Variants in NELL2 observed in about 807,000 individuals in gnomAD.
NELL2 encodes the protein protein kinase C-binding protein NELL2.
NELL2 carries 41 observed loss-of-function variants against 109.6 expected under a neutral mutation model. The observed-to-expected ratio is 0.37, with a 90% CI of 0.29 to 0.49. The LOEUF (loss-of-function observed/expected upper bound fraction) is 0.49, where lower values mean the gene tolerates loss of function less well. Among genes scored for constraint, NELL2 ranks in the 20% least tolerant of loss-of-function variants. The pLI is 0.98. For synonymous variants in NELL2, 355 were observed against 344.7 expected, an observed-to-expected ratio of 1.03 and a Z score of -0.33; for missense variants, 900 against 1,008.3, an observed-to-expected ratio of 0.89 and a Z score of 1.45.
At chr12:44,918,959 C>A (rs1379952276), upstream of NELL2, among the ~76,000 whole-genome samples, 1 of 152,142 alleles carries the variant, frequency 6.6e-6, no homozygotes, top group East Asian at 1.9e-4. Context: ...CTGAAAGTAC[C>A]TGACAAACAC....
intron 2 of NELL2, among the ~76,000 whole-genome samples, chr12:44,857,217 C>T (rs549360136): frequency 6.6e-6 from 1 of 152,262 alleles, no homozygotes; most frequent in South Asian, 2.1e-4. Context: ...CACAGAGTTG[C>T]TGGGGGCCAA....
At chr12:44,804,122 G>C (rs577637693) in intron 3 of NELL2, among the ~76,000 whole-genome samples, 45 of 151,870 alleles carry the variant, frequency 3.0e-4, no homozygotes, top group African/African-American at 9.9e-4. Context: ...TTCAATAATT[G>C]ATATATTCTA....
At chr12:44,863,499 A>G (rs1291083313) in intron 2 of NELL2, among the ~76,000 whole-genome samples, 1 of 137,154 alleles carries the variant, frequency 7.3e-6, no homozygotes, top group Non-Finnish European at 1.6e-5. Context: ...GAGCTGGGTG[A>G]TATTAAAATT....
chr12:44,615,367 G>A (rs555656269), intron 13 of NELL2, among the ~76,000 whole-genome samples: 3 of 152,106 alleles, frequency 2.0e-5, no homozygotes, highest in Admixed American at 1.3e-4. Flanking sequence ...AATAATCATA[G>A]CTAAAATTCA....
intron 15 of NELL2, among the ~76,000 whole-genome samples, chr12:44,580,504 C>G (rs547220769): frequency 1.3e-5 from 2 of 152,166 alleles, no homozygotes; most frequent in East Asian, 3.9e-4. Context: ...ATTGCCTGAG[C>G]TCGGGAGTTC....
At chr12:44,909,077 T>A (rs1013143670) in intron 1 of NELL2, among the ~76,000 whole-genome samples, 2 of 151,748 alleles carry the variant, frequency 1.3e-5, no homozygotes, top group East Asian at 3.9e-4. Flanking sequence ...AAGTCCTAGA[T>A]AGAGCAATCA....
chr12:44,875,993 C>T lies in NELL2; in HGVS notation c.-124G>A. 6.4e-7 allele frequency: 1 copy of T among 1,553,772 alleles called. No homozygotes were observed. The highest frequency in any genetic ancestry group is 2.4e-5 in the East Asian group (1 of 41,996). On this transcript the variant is annotated 5_prime_UTR_variant, in exon 1 of 20. Coordinates refer to ENST00000429094, the MANE Select transcript of NELL2 (RefSeq NM_001145108.2). The stretch of plus-strand genomic sequence containing the variant: ...CTGCTGCTGCCTCGGATTTACTGAT[C>T]AGTAGGATTAATACGCTTTGGTTGC...
Position 44,850,246 on chromosome 12 carries a change from TA to T in NELL2, c.184+24978del, listed in dbSNP as rs202061808. On this transcript the variant is annotated intron_variant, in intron 2 of 19. Transcript: ENST00000429094. ...TTAGTAGTCCTAAAAAATAGTTTTT[TA>T]ATTATTATTTTTTCATAATTAATTA... Among the ~76,000 whole-genome samples the T allele has an allele frequency of 6.6e-5, 10 of 152,282 alleles. No individual in the cohort carries two copies. In the East Asian group the frequency reaches 1.9e-3, roughly 29 times the overall value.
intron 2 of NELL2, among the ~76,000 whole-genome samples, chr12:44,843,851 GGC>G (rs919514343): frequency 2.6e-5 from 4 of 152,012 alleles, no homozygotes; most frequent in Non-Finnish European, 4.4e-5. Context: ...GTGAAACCCT[GGC>G]TCTATGAAAA....
In NELL2 at chr12:44,508,971, C is replaced by A. The variant is rs1940852616; in HGVS notation, c.2414G>T (p.Cys805Phe). The A allele has an allele frequency of 6.2e-7, 1 of 1,612,540 alleles. No homozygotes were observed. ...AAGGCACTGTGGATCCACTGAGCAACAGATGTGGCCATTCTAGATTTAAAA... is the reference window on the plus strand; with the variant it reads ...AAGGCACTGTGGATCCACTGAGCAAAAGATGTGGCCATTCTAGATTTAAAA... ...TLCQCKNGHI[C>F]CSVDPQCLQE... Residue 805 changes from cysteine to phenylalanine, a missense_variant, in exon 20 of 20, where the codon TGT (cysteine) becomes TTT (phenylalanine). Cys to Phe is a radical substitution (Grantham distance 205). This residue lies in a region of NELL2 where 333 missense variants were observed against 432.3 expected (regional missense o/e 0.77). Transcript: ENST00000429094.
chr12:44,611,802 C>A (rs367975721), intron 13 of NELL2, among the ~76,000 whole-genome samples: 12 of 152,030 alleles, frequency 7.9e-5, no homozygotes, highest in African/African-American at 2.4e-4. Flanking sequence ...GCTCAGCATT[C>A]AGCAAAGATG....
intron 9 of NELL2, among the ~76,000 whole-genome samples, chr12:44,734,529 C>T (rs967439509): frequency 6.6e-6 from 1 of 151,794 alleles, no homozygotes; most frequent in Non-Finnish European, 1.5e-5. Flanking sequence ...TCTGCCTATG[C>T]TGTTGATTTT....
At chr12:44,834,979 G>A (rs1944007798) in intron 2 of NELL2, among the ~76,000 whole-genome samples, 2 of 152,186 alleles carry the variant, frequency 1.3e-5, no homozygotes, top group East Asian at 3.9e-4. Context: ...GAAGGGCAGG[G>A]CTGGGACACA....
chr12:44,895,690 T>C (rs748229339), intron 1 of NELL2, among the ~76,000 whole-genome samples: 11 of 152,132 alleles, frequency 7.2e-5, no homozygotes, highest in Non-Finnish European at 1.3e-4. Context: ...TTGAGGCTTT[T>C]TTTCCTGCAT....
chr12:44,880,128 CACACACACACACAG>C (rs1945394432), upstream of NELL2, among the ~76,000 whole-genome samples: 1 of 140,950 alleles, frequency 7.1e-6, no homozygotes, highest in Non-Finnish European at 1.6e-5. Flanking sequence ...CACACACACA[CACACACACACACAG>C]AGAGAGAGAG....
intron 12 of NELL2, among the ~76,000 whole-genome samples, chr12:44,686,488 G>T (rs555131039): frequency 6.6e-6 from 1 of 152,116 alleles, no homozygotes; most frequent in Non-Finnish European, 1.5e-5. Context: ...GAGGAGAGGC[G>T]CTCTGCTTTT....
At position 44,589,142 on chromosome 12, in the gene NELL2, C is replaced by T. The variant is rs193041478; in HGVS notation, c.1663+18027G>A. ...GTAGCAGAACTTCAACAATGAACTC[C>T]AGCAACCTGACTCCAAAGCTCACAC... On this transcript the variant is annotated intron_variant, in intron 15 of 19. Coordinates refer to ENST00000429094, the MANE Select transcript of NELL2 (RefSeq NM_001145108.2). 2.6e-4 allele frequency among the ~76,000 whole-genome samples: 40 copies of T among 152,170 alleles called. 1 individual carries two copies. Among genetic ancestry groups the T allele is most frequent in the Admixed American group, 2.6e-3 (39 of 15,278 alleles).
At chr12:44,739,030 C>T (rs957133595) in intron 9 of NELL2, among the ~76,000 whole-genome samples, 2 of 152,180 alleles carry the variant, frequency 1.3e-5, no homozygotes, top group African/African-American at 4.8e-5. Context: ...TTTCCTCCAC[C>T]ACCATTCACA....
chr12:44,665,979 A>G (rs965653544), intron 12 of NELL2, among the ~76,000 whole-genome samples: 2 of 152,206 alleles, frequency 1.3e-5, no homozygotes, highest in Non-Finnish European at 2.9e-5. Flanking sequence ...TGTTTGATTC[A>G]CCAGCTATTC....
Sources: allele counts gnomAD v4.1 joint callset (sites outside exome capture counted in the v4.1 genomes callset), GRCh38; gene constraint gnomAD v4.1.1; regional missense constraint gnomAD v4.1.1; transcripts MANE v1.5; gene names NCBI Gene and HGNC (gene_info 2026-07-23, HGNC 2026-07-21).